Variants in GRM5 observed in about 807,000 individuals in gnomAD.
GRM5 encodes the protein glutamate metabotropic receptor 5.
In GRM5, 19 loss-of-function variants were observed where a neutral mutation model predicts 83.1. That is an observed-to-expected ratio of 0.23 (90% CI 0.16 to 0.34). The LOEUF (loss-of-function observed/expected upper bound fraction) is 0.34. Ranked by LOEUF, GRM5 falls within the 10% of genes least tolerant of loss-of-function variation. The pLI, the probability that GRM5 is intolerant of heterozygous loss-of-function variation, is 1.00. For synonymous variants in GRM5, 675 were observed against 633.6 expected (o/e 1.07, Z -0.98); for missense variants, 1,160 against 1,588.3 (o/e 0.73, Z 4.58).
intron 2 of GRM5, among the ~76,000 whole-genome samples, chr11:89,026,604 A>G (rs1941135932): frequency 6.6e-6 from 1 of 152,182 alleles, no homozygotes; most frequent in Admixed American, 6.5e-5. Context: ...AGACAATTAT[A>G]TCTGCATTGT....
chr11:88,661,669 C>T lies in GRM5; in HGVS notation c.912-8266G>A, dbSNP rs567753769. 5.3e-5 allele frequency among the ~76,000 whole-genome samples: 8 copies of T among 152,156 alleles called. No homozygotes were observed. In the South Asian group the frequency reaches 1.7e-3, roughly 32 times the overall value. On this transcript the variant is annotated intron_variant, in intron 3 of 9. Transcript: ENST00000305447. ...GTGCACCCCAGGAGGAGTAGGAAGT[C>T]TCAAATCTCTACACACTAGTGAAAA...
intron 2 of GRM5, among the ~76,000 whole-genome samples, chr11:88,928,129 C>T (rs1945820247): frequency 6.6e-6 from 1 of 151,998 alleles, no homozygotes; most frequent in African/African-American, 2.4e-5. Context: ...TATGCATTTC[C>T]CTGGGGTAAA....
chr11:88,839,035 T>C (rs865964669), intron 3 of GRM5, among the ~76,000 whole-genome samples: 5 of 152,298 alleles, frequency 3.3e-5, no homozygotes, highest in African/African-American at 1.2e-4. Context: ...TCTAGTTCTG[T>C]AGTACATCTT....
intron 9 of GRM5, among the ~76,000 whole-genome samples, chr11:88,516,574 C>G (rs1264296797): frequency 1.3e-5 from 2 of 152,178 alleles, no homozygotes; most frequent in Admixed American, 6.5e-5. Flanking sequence ...TTCTGTCTTA[C>G]AGCACCTCAG....
intron 3 of GRM5, among the ~76,000 whole-genome samples, chr11:88,734,648 C>CTT (rs1565206791): frequency 6.6e-6 from 1 of 152,008 alleles, no homozygotes; most frequent in Non-Finnish European, 1.5e-5. Flanking sequence ...GTTACAGTTA[C>CTT]TTAACATGCT....
intron 2 of GRM5, among the ~76,000 whole-genome samples, chr11:88,875,446 C>A (rs988686083): frequency 1.3e-5 from 2 of 151,906 alleles, no homozygotes; most frequent in Admixed American, 1.3e-4. Flanking sequence ...GTCTTGAACC[C>A]CTCAAAATCA....
In GRM5 at chr11:88,504,699, A is replaced by G. The variant is rs1941136708; in HGVS notation, c.*3893T>C. The G allele has an allele frequency of 6.6e-6, 1 of 152,190 alleles. No homozygotes were observed. Among genetic ancestry groups the G allele is most frequent in the South Asian group, 2.1e-4 (1 of 4,834 alleles). The allele number at this position is 152,190 out of a possible 1,614,324, so 9.4% of individuals were successfully genotyped here. A position where few individuals can be genotyped will look rare whatever the true frequency, so the allele number is the denominator to read the frequency against. On this transcript the variant is annotated 3_prime_UTR_variant, in exon 10 of 10. Coordinates refer to ENST00000305447, the MANE Select transcript of GRM5 (RefSeq NM_001143831.3). The stretch of plus-strand genomic sequence containing the variant: ...TGAAGTGCTAAAATAAAACATATTT[A>G]TACAAGTACAAAGCAAAACAATGCT...
intron 3 of GRM5, among the ~76,000 whole-genome samples, chr11:88,672,106 T>C (rs1022543502): frequency 2.0e-5 from 3 of 151,966 alleles, no homozygotes; most frequent in African/African-American, 7.3e-5. Flanking sequence ...TCTTTAAGAC[T>C]GTCTTGGAGT....
chr11:88,665,660 C>T (rs762631617), intron 3 of GRM5, among the ~76,000 whole-genome samples: 3 of 152,114 alleles, frequency 2.0e-5, no homozygotes, highest in Non-Finnish European at 4.4e-5. Context: ...ATCATATGCT[C>T]AATAACTAAT....
chr11:88,838,198 A>C (rs1476695128), intron 3 of GRM5, among the ~76,000 whole-genome samples: 2 of 152,106 alleles, frequency 1.3e-5, no homozygotes, highest in Admixed American at 1.3e-4. Context: ...TGAGAAATAA[A>C]AGAAATATCT....
intron 8 of GRM5, among the ~76,000 whole-genome samples, chr11:88,563,600 T>G (rs371161827): frequency 4.6e-5 from 7 of 152,180 alleles, no homozygotes; most frequent in Non-Finnish European, 8.8e-5. Context: ...GCATGGTAGA[T>G]GCTTCTCCAC....
At chr11:88,716,515 T>C (rs1941403557) in intron 3 of GRM5, among the ~76,000 whole-genome samples, 1 of 151,930 alleles carries the variant, frequency 6.6e-6, no homozygotes, top group African/African-American at 2.4e-5. Context: ...CGGCATTCTA[T>C]GTAGTGTGTG....
chr11:89,003,549 C>T (rs746617093), intron 2 of GRM5, among the ~76,000 whole-genome samples: 2 of 152,016 alleles, frequency 1.3e-5, no homozygotes, highest in Admixed American at 1.3e-4. Context: ...CTGGAGAACT[C>T]TAAGAATAAC....
intron 7 of GRM5, among the ~76,000 whole-genome samples, chr11:88,582,206 C>T (rs1591363236): frequency 2.0e-5 from 3 of 152,126 alleles, no homozygotes; most frequent in Admixed American, 1.3e-4. Context: ...AAGTGGGGCT[C>T]GATCACCATT....
At chr11:88,806,228 G>C (rs1590871850) in intron 3 of GRM5, among the ~76,000 whole-genome samples, 1 of 152,218 alleles carries the variant, frequency 6.6e-6, no homozygotes, top group Middle Eastern at 3.4e-3. Context: ...TGATTCAGTA[G>C]GTCCACAGGG....
In GRM5 at chr11:88,771,792, T is replaced by C. The variant is rs114115419; in HGVS notation, c.911+78114A>G. Among the ~76,000 whole-genome samples, 347 of 152,244 alleles carry C rather than the reference T, an allele frequency of 2.3e-3. 2 individuals carry two copies. Among genetic ancestry groups the C allele is most frequent in the African/African-American group, 8.0e-3 (332 of 41,554 alleles). On this transcript the variant is annotated intron_variant, in intron 3 of 9. Transcript: ENST00000305447. The stretch of plus-strand genomic sequence containing the variant: ...TACACTCATGGTTTTGAAGACTTAG[T>C]ACCAAAAGAGAAAGCAAAATAGCTC...
intron 2 of GRM5, among the ~76,000 whole-genome samples, chr11:88,990,539 G>A (rs1270683361): frequency 8.6e-5 from 13 of 151,354 alleles, no homozygotes; most frequent in South Asian, 8.4e-4. Context: ...TGATACCAAA[G>A]CCTGGCAGAG....
intron 3 of GRM5, among the ~76,000 whole-genome samples, chr11:88,846,658 A>C (rs757968535): frequency 1.2e-4 from 18 of 152,066 alleles, no homozygotes; most frequent in Middle Eastern, 3.2e-3. Flanking sequence ...TGGACCTTCT[A>C]GTAGGCTCTA....
At chr11:88,641,841 G>A (rs1308197861) in intron 4 of GRM5, among the ~76,000 whole-genome samples, 1 of 152,154 alleles carries the variant, frequency 6.6e-6, no homozygotes, top group Non-Finnish European at 1.5e-5. Context: ...CTACTCTCAC[G>A]GGTTGAAGTT....
Sources: gnomAD v4.1 joint callset for allele counts (sites outside exome capture counted in the v4.1 genomes callset) on GRCh38, gnomAD v4.1.1 for gene constraint, MANE v1.5 for transcripts, NCBI Gene and HGNC (gene_info 2026-07-23, HGNC 2026-07-21) for gene names.